Variants in KLF12 observed in about 807,000 individuals in gnomAD.
The protein encoded by KLF12 is Krueppel-like factor 12.
Under a neutral mutation model 37.8 loss-of-function variants are expected in KLF12, and 9 were observed. The ratio of observed to expected loss-of-function variants is 0.24; its 90% CI spans 0.14 to 0.42. The LOEUF is 0.42. KLF12 is among the 10% of genes least tolerant of loss of function. The pLI is 1.00. For missense variants in KLF12, 411 were observed against 516.0 expected, an observed-to-expected ratio of 0.80 and a Z score of 1.97; for synonymous variants, 208 against 202.1, an observed-to-expected ratio of 1.03 and a Z score of -0.25.
chr13:74,082,163 T>TAAAA lies in KLF12; in HGVS notation c.-32+51572_-32+51575dup, dbSNP rs57156299. ...GGCAACATAGCAAGACCCTGTCTCT[T>TAAAA]AAAAAAAAAAAAAAACAAAGTTAGC... On this transcript the variant is annotated intron_variant, in intron 1 of 7. Coordinates refer to ENST00000377669, the MANE Select transcript of KLF12 (RefSeq NM_007249.5). Among the ~76,000 whole-genome samples, 250 of 114,764 alleles carry TAAAA rather than the reference T, an allele frequency of 2.2e-3. 6 individuals are homozygous for TAAAA. Among genetic ancestry groups the TAAAA allele is most frequent in the Non-Finnish European group, 2.5e-3 (148 of 59,186 alleles). The allele number at this position is 114,764 out of a possible 152,430, so 75.3% of individuals were successfully genotyped here. A position where few individuals can be genotyped will look rare whatever the true frequency, so the allele number is the denominator to read the frequency against.
intron 2 of KLF12, among the ~76,000 whole-genome samples, chr13:73,986,382 T>C (rs1288578822): frequency 2.6e-5 from 4 of 152,212 alleles, no homozygotes; most frequent in Non-Finnish European, 5.9e-5. Flanking sequence ...AAATTATATT[T>C]TGATTGACAT....
chr13:74,200,845 T>G, the KLF12 span, among the ~76,000 whole-genome samples: 3 of 152,126 alleles, frequency 2.0e-5, no homozygotes, highest in Non-Finnish European at 4.4e-5. Flanking sequence ...TTTGGCGTAT[T>G]AGTATTGTCC....
At chr13:74,303,518 C>T in the KLF12 span, among the ~76,000 whole-genome samples, 111,135 of 152,054 alleles carry the variant, frequency 0.73, 43,373 homozygotes, top group Non-Finnish European at 0.89. Flanking sequence ...AAGAACTAAA[C>T]GAGCTCAGAC....
Position 73,784,235 on chromosome 13 carries a change from C to G in KLF12, c.807-19235G>C, listed in dbSNP as rs567256822. 2.4e-4 allele frequency among the ~76,000 whole-genome samples: 36 copies of G among 152,216 alleles called. 1 individual carries two copies. The highest frequency in any genetic ancestry group is 8.7e-4 in the African/African-American group (36 of 41,536). On this transcript the variant is annotated intron_variant, in intron 5 of 7. Transcript: ENST00000377669. ...ATGCATCGCTTTCTTTTCATTCTAT[C>G]AACCATTGTATCAACTGTCTCTCTC... is the stretch of plus-strand genomic sequence containing the variant.
rs1286821517 is a variant in KLF12, at chr13:73,734,627, G to A, written c.870-19102C>T. ...TCTTTTCTTCCTTTTTTGGGGGGGT[G>A]GGGGAAACATGATTTTGCTATTATC... On this transcript the variant is annotated intron_variant, in intron 6 of 7. Transcript: ENST00000377669. Among the ~76,000 whole-genome samples the A allele has an allele frequency of 2.0e-5, 3 of 151,400 alleles. No homozygotes were observed. The East Asian group carries it at 5.9e-4, about 30-fold the overall frequency.
rs925267451 is a variant in KLF12 at position 74,002,839 on chromosome 13, T to A, written c.-31-7786A>T. ...ACACATTCTGTTATCAATTCACACATGAACTGCCTATATGCAAAGAACTGA... is the reference window on the plus strand; with the variant it reads ...ACACATTCTGTTATCAATTCACACAAGAACTGCCTATATGCAAAGAACTGA... On this transcript the variant is annotated intron_variant, in intron 1 of 7. Transcript: ENST00000377669. Among the ~76,000 whole-genome samples, 6 of 152,202 alleles carry A rather than the reference T, an allele frequency of 3.9e-5. 1 individual carries two copies. Among genetic ancestry groups the A allele is most frequent in the Admixed American group, 3.9e-4 (6 of 15,282 alleles).
At chr13:74,053,417 A>G (rs2138608566) in intron 1 of KLF12, among the ~76,000 whole-genome samples, 1 of 152,274 alleles carries the variant, frequency 6.6e-6, no homozygotes, top group African/African-American at 2.4e-5. Context: ...ATCATGTGTC[A>G]GGCACTGTCC....
At chr13:74,171,776 A>G in the KLF12 span, among the ~76,000 whole-genome samples, 31 of 152,238 alleles carry the variant, frequency 2.0e-4, no homozygotes, top group African/African-American at 7.2e-4. Flanking sequence ...ATACAAAAAA[A>G]CAAACACTGG....
chr13:74,208,510 T>A, the KLF12 span, among the ~76,000 whole-genome samples: 6 of 152,198 alleles, frequency 3.9e-5, no homozygotes, highest in African/African-American at 1.4e-4. Flanking sequence ...AATGATATTA[T>A]AATAGCAAGT....
At chr13:73,729,274 C>T (rs1007620627) in intron 6 of KLF12, among the ~76,000 whole-genome samples, 4 of 152,356 alleles carry the variant, frequency 2.6e-5, no homozygotes, top group Middle Eastern at 3.4e-3. Flanking sequence ...TTATTGGCCA[C>T]ACACTGTCTA....
At chr13:73,727,202 T>C (rs537996975) in intron 6 of KLF12, among the ~76,000 whole-genome samples, 1 of 152,214 alleles carries the variant, frequency 6.6e-6, no homozygotes. Flanking sequence ...CTCAAATATT[T>C]TGAAGTTCGA....
chr13:73,806,763 T>C (rs1167454197), intron 5 of KLF12, among the ~76,000 whole-genome samples: 1 of 151,968 alleles, frequency 6.6e-6, no homozygotes, highest in East Asian at 1.9e-4. Flanking sequence ...ATGGGGCAAA[T>C]TAAATGAAAA....
At chr13:73,815,153 G>T (rs1339744973) in intron 4 of KLF12, among the ~76,000 whole-genome samples, 1 of 152,054 alleles carries the variant, frequency 6.6e-6, no homozygotes, top group Non-Finnish European at 1.5e-5. Context: ...CACCAGCTAT[G>T]AGACAAAAAG....
intron 2 of KLF12, among the ~76,000 whole-genome samples, chr13:73,992,093 G>C (rs1343291354): frequency 6.6e-6 from 1 of 152,214 alleles, no homozygotes; most frequent in Admixed American, 6.5e-5. Context: ...TGATAAGCTG[G>C]ACTAATGTAT....
chr13:73,951,862 A>G (rs1424747834), intron 2 of KLF12, among the ~76,000 whole-genome samples: 1 of 152,246 alleles, frequency 6.6e-6, no homozygotes, highest in Non-Finnish European at 1.5e-5. Flanking sequence ...ACACTAGAAC[A>G]TAAGTTCCAG....
At chr13:74,118,522 C>T (rs1025197424) in intron 1 of KLF12, among the ~76,000 whole-genome samples, 2 of 152,168 alleles carry the variant, frequency 1.3e-5, no homozygotes, top group Non-Finnish European at 2.9e-5. Context: ...ACTTTCCATA[C>T]ATTATGTTAA....
At chr13:73,813,377 G>T in intron 4 of KLF12, 90 bp from the exon 5 acceptor site, 1 of 1,366,674 alleles carries the variant, frequency 7.3e-7, no homozygotes, top group Non-Finnish European at 1.0e-6. Flanking sequence ...GAACTTCTGT[G>T]CATATCATGC....
At chr13:73,773,343 C>T (rs575656699) in intron 5 of KLF12, among the ~76,000 whole-genome samples, 1 of 152,312 alleles carries the variant, frequency 6.6e-6, no homozygotes, top group South Asian at 2.1e-4. Context: ...AGTTTCATGA[C>T]TCATTTCAGG....
chr13:73,850,893 A>T (rs9543475), intron 3 of KLF12, among the ~76,000 whole-genome samples: 7,149 of 152,332 alleles, frequency 0.047, 283 homozygotes, highest in Non-Finnish European at 0.065. Flanking sequence ...TCATGGCTTA[A>T]CTGTCACAAG....
Sources: allele counts gnomAD v4.1 joint callset (sites outside exome capture counted in the v4.1 genomes callset), GRCh38; gene constraint gnomAD v4.1.1; transcripts MANE v1.5; gene names NCBI Gene and HGNC (gene_info 2026-07-23, HGNC 2026-07-21).